UNC5C: variants seen among roughly 807,000 people sequenced by gnomAD.
UNC5C encodes the protein unc-5 netrin receptor C.
In UNC5C, 47 loss-of-function variants were observed where a neutral mutation model predicts 99.8. The observed-to-expected ratio is 0.47, with a 90% CI of 0.37 to 0.60. The LOEUF is 0.60. UNC5C is among the 20% of genes least tolerant of loss of function. UNC5C has a pLI of 0.00. For missense variants in UNC5C, 1,062 were observed against 1,165.9 expected (o/e 0.91, Z 1.30); for synonymous variants, 487 against 452.2 (o/e 1.08, Z -0.98).
intron 1 of UNC5C, among the ~76,000 whole-genome samples, chr4:95,465,619 G>A (rs1747748591): frequency 6.6e-6 from 1 of 152,016 alleles, no homozygotes; most frequent in Non-Finnish European, 1.5e-5. Context: ...CCATCATTTT[G>A]GGTAACATAT....
At chr4:95,308,082 T>C (rs144377877) in intron 2 of UNC5C, among the ~76,000 whole-genome samples, 2,271 of 152,304 alleles carry the variant, frequency 0.015, 56 homozygotes, top group African/African-American at 0.051. Flanking sequence ...ACTCTTGCCA[T>C]TTCTATTCAA....
chr4:95,277,263 C>T (rs1293978396), intron 4 of UNC5C, among the ~76,000 whole-genome samples: 1 of 152,106 alleles, frequency 6.6e-6, no homozygotes, highest in Non-Finnish European at 1.5e-5. Flanking sequence ...TGAAATATGC[C>T]TCTTTCAACA....
At chr4:95,535,838 G>A (rs1228346292) in intron 1 of UNC5C, among the ~76,000 whole-genome samples, 1 of 151,562 alleles carries the variant, frequency 6.6e-6, no homozygotes, top group East Asian at 1.9e-4. Context: ...ACAAATATAT[G>A]CACACATCCA....
chr4:95,322,514 C>T (rs915039392), intron 2 of UNC5C, among the ~76,000 whole-genome samples: 2 of 152,024 alleles, frequency 1.3e-5, no homozygotes, highest in African/African-American at 4.8e-5. Context: ...CCATTCCAAT[C>T]TAGTTGAAGA....
Position 95,268,111 on chromosome 4 carries a change from G to T in UNC5C, c.594+10148C>A, listed in dbSNP as rs190914007. Among the ~76,000 whole-genome samples the T allele has an allele frequency of 3.3e-4, 50 of 151,904 alleles. No individual in the cohort carries two copies. The East Asian group carries it at 7.6e-3, about 23-fold the overall frequency. On this transcript the variant is annotated intron_variant, in intron 4 of 15. Transcript: ENST00000453304. The stretch of plus-strand genomic sequence containing the variant: ...ACTACAGGCGCCCGCCACCGCGCCC[G>T]GTTAATTTTTTGCATTTTTTTTAGT...
intron 1 of UNC5C, among the ~76,000 whole-genome samples, chr4:95,425,608 C>T (rs1332714228): frequency 2.0e-5 from 3 of 152,202 alleles, no homozygotes; most frequent in Non-Finnish European, 2.9e-5. Context: ...CGCGCCCGGC[C>T]TTGTTAACTT....
intron 4 of UNC5C, among the ~76,000 whole-genome samples, chr4:95,258,835 C>A (rs904127738): frequency 2.8e-5 from 4 of 140,872 alleles, no homozygotes; most frequent in Admixed American, 7.4e-5. Context: ...AATCTCGGCT[C>A]ACTGCAAGCT....
At chr4:95,532,449 T>TA (rs372395809) in intron 1 of UNC5C, among the ~76,000 whole-genome samples, 52,550 of 141,302 alleles carry the variant, frequency 0.37, 10,104 homozygotes, top group Middle Eastern at 0.48. Flanking sequence ...CCAACATCAT[T>TA]AAAAAAAAAA....
chr4:95,470,072 T>G (rs1214095875), intron 1 of UNC5C, among the ~76,000 whole-genome samples: 1 of 152,204 alleles, frequency 6.6e-6, no homozygotes, highest in African/African-American at 2.4e-5. Context: ...AGACTGTATT[T>G]GTGCACATAA....
At chr4:95,415,363 AC>A (rs550226220) in intron 1 of UNC5C, among the ~76,000 whole-genome samples, 170 of 152,068 alleles carry the variant, frequency 1.1e-3, no homozygotes, top group African/African-American at 3.6e-3. Context: ...TAAAAAAAAA[AC>A]AAAACAAAAC....
chr4:95,269,678 A>G (rs190150644), intron 4 of UNC5C, among the ~76,000 whole-genome samples: 1 of 151,886 alleles, frequency 6.6e-6, no homozygotes, highest in Admixed American at 6.6e-5. Context: ...TAGATAATCT[A>G]TGTACCACAG....
At chr4:95,257,408 A>G (rs952636113) in intron 4 of UNC5C, among the ~76,000 whole-genome samples, 1 of 152,090 alleles carries the variant, frequency 6.6e-6, no homozygotes, top group African/African-American at 2.4e-5. Flanking sequence ...TGTCTCCAAA[A>G]AACAGAAAAG....
At chr4:95,347,200 T>C (rs997849155) in intron 1 of UNC5C, among the ~76,000 whole-genome samples, 1 of 151,662 alleles carries the variant, frequency 6.6e-6, no homozygotes, top group African/African-American at 2.4e-5. Context: ...TAGGCATTAA[T>C]TAAAGAAGTG....
intron 1 of UNC5C, among the ~76,000 whole-genome samples, chr4:95,354,078 G>A (rs2621464): frequency 0.14 from 21,239 of 151,926 alleles, 1,897 homozygotes; most frequent in Admixed American, 0.19. Flanking sequence ...TAAAAACAAC[G>A]AAGTTCTACT....
At chr4:95,498,865 T>G (rs1281848191) in intron 1 of UNC5C, among the ~76,000 whole-genome samples, 1 of 152,120 alleles carries the variant, frequency 6.6e-6, no homozygotes, top group African/African-American at 2.4e-5. Context: ...TTTCAACTAC[T>G]GATACTTTGC....
At chr4:95,484,067 A>C (rs189339852) in intron 1 of UNC5C, among the ~76,000 whole-genome samples, 1 of 151,968 alleles carries the variant, frequency 6.6e-6, no homozygotes, top group Non-Finnish European at 1.5e-5. Flanking sequence ...TATTAAAAAA[A>C]CCATATTGGT....
intron 1 of UNC5C, among the ~76,000 whole-genome samples, chr4:95,400,433 A>G (rs1745657109): frequency 8.7e-6 from 1 of 115,520 alleles, no homozygotes; most frequent in Admixed American, 1.3e-4. Flanking sequence ...TCGTTCTGTC[A>G]CCCAGGCTGA....
chr4:95,250,932 GT>G (rs879621048), intron 4 of UNC5C, among the ~76,000 whole-genome samples: 2 of 152,198 alleles, frequency 1.3e-5, no homozygotes, highest in Admixed American at 6.5e-5. Context: ...CAGTGAACCA[GT>G]TGGGAAATAC....
At chr4:95,364,086 T>C (rs1437023897) in intron 1 of UNC5C, among the ~76,000 whole-genome samples, 1 of 152,212 alleles carries the variant, frequency 6.6e-6, no homozygotes, top group African/African-American at 2.4e-5. Context: ...TCCCACTTTC[T>C]GCTGCCACTC....
Sources: allele counts gnomAD v4.1 joint callset (sites outside exome capture counted in the v4.1 genomes callset), GRCh38; gene constraint gnomAD v4.1.1; transcripts MANE v1.5; gene names NCBI Gene and HGNC (gene_info 2026-07-23, HGNC 2026-07-21).